The following CEP250 variants were observed in gnomAD, a reference collection of about 807,000 sequenced individuals.
CEP250 encodes the protein centrosome-associated protein CEP250.
In CEP250, 242 loss-of-function variants were observed where a neutral mutation model predicts 315.7. That is an observed-to-expected ratio of 0.77 (90% confidence interval 0.69 to 0.85). CEP250 has a LOEUF of 0.85. Ranked by LOEUF, CEP250 falls within the 40% of genes least tolerant of loss-of-function variation. The probability of loss-of-function intolerance (pLI) is 0.00; values close to 1 mark genes in which losing one functional copy is unlikely to be tolerated. For synonymous variants in CEP250, 1,088 were observed against 1,175.0 expected (o/e 0.93, Z 1.51); for missense variants, 2,515 against 2,886.4 (o/e 0.87, Z 2.95).
At chr20:35,459,426 C>T (rs942033707) in intron 2 of CEP250, among the ~76,000 whole-genome samples, 1 of 152,072 alleles carries the variant, frequency 6.6e-6, no homozygotes, top group African/African-American at 2.4e-5. Flanking sequence ...CTATGTGTGG[C>T]AGGACTGCTT....
chr20:35,473,936 G>A lies in CEP250; in HGVS notation c.1455G>A (p.Glu485=), dbSNP rs772503759. The change falls in exon 14 of 35, where the codon GAG becomes GAA. Residue 485 remains glutamate, a synonymous_variant. Coordinates refer to ENST00000397527, the MANE Select transcript of CEP250 (RefSeq NM_007186.6). ...AGCAGCTGGAGGTGCTAGAGCAGGAGGCATGGCGCCTGCGAAGGGTAAATG... is the reference window on the plus strand; with the variant it reads ...AGCAGCTGGAGGTGCTAGAGCAGGAAGCATGGCGCCTGCGAAGGGTAAATG... The part of the protein sequence containing the change: ...LRQQLEVLEQ[E]AWRLRRVNVE... 6 of 1,612,964 alleles carry A rather than the reference G, an allele frequency of 3.7e-6. No individual in the cohort carries two copies. The highest frequency in any genetic ancestry group is 1.1e-5 in the South Asian group (1 of 90,988).
rs1041975486 is a variant in CEP250, at chr20:35,496,669, A to G, written c.3260A>G (p.Gln1087Arg). ...IRQQELSALR[Q>R]DMQEAQGEQK... ...CAACAAGAGCTGAGTGCCCTGCGCC[A>G]GGACATGCAGGAGGCCCAGGGAGAA... Residue 1087 changes from glutamine to arginine, a missense_variant, in exon 25 of 35, where the codon CAG (glutamine) becomes CGG (arginine). Transcript: ENST00000397527. 32 of 1,614,026 alleles carry G rather than the reference A, an allele frequency of 2.0e-5. No homozygotes were observed. The highest frequency in any genetic ancestry group is 2.6e-5 in the Non-Finnish European group (31 of 1,180,004).
chr20:35,517,068 C>G lies in CEP250; in HGVS notation c.*5442C>G, dbSNP rs532530911. On this transcript the variant is annotated 3_prime_UTR_variant, in exon 35 of 35. Coordinates refer to ENST00000397527, the MANE Select transcript of CEP250 (RefSeq NM_007186.6). ...CCATGGTCACAGACTCTACATTCCC[C>G]TCTCCTGTTGGCCTCCATCCCTTCC... 5 of 976,962 alleles carry G rather than the reference C, an allele frequency of 5.1e-6. No individual in the cohort carries two copies. The highest frequency in any genetic ancestry group is 4.7e-5 in the South Asian group (1 of 21,140). The allele number at this position is 976,962 out of a possible 1,614,324, so 60.5% of individuals were successfully genotyped here.
intron 34 of CEP250, among the ~76,000 whole-genome samples, chr20:35,510,389 G>A (rs2064320225): frequency 1.3e-5 from 2 of 152,182 alleles, no homozygotes; most frequent in Non-Finnish European, 1.5e-5. Flanking sequence ...AGCCAAGACT[G>A]TTGCCAGTGC....
chr20:35,476,010 T>C (rs888908393), intron 15 of CEP250, among the ~76,000 whole-genome samples: 2 of 152,182 alleles, frequency 1.3e-5, no homozygotes, highest in African/African-American at 2.4e-5. Context: ...TCTCAGTTAT[T>C]CCATGTTCTT....
intron 30 of CEP250, 55 bp from the exon 31 acceptor site, chr20:35,507,683 G>T (rs2064226782): frequency 2.2e-6 from 3 of 1,353,510 alleles, no homozygotes; most frequent in Admixed American, 4.0e-5. Context: ...AGGATGGGTT[G>T]GTCTGGATAT....
In CEP250 at chr20:35,496,582, C is replaced by G. The variant is rs529608194; in HGVS notation, c.3173C>G (p.Thr1058Ser). 13 of 1,613,828 alleles carry G rather than the reference C, an allele frequency of 8.1e-6. No homozygotes were observed. Among genetic ancestry groups the G allele is most frequent in the East Asian group, 6.7e-5 (3 of 44,878 alleles). Residue 1058 changes from threonine (T) to serine (S), a missense_variant, in exon 25 of 35, where the codon ACT becomes AGT. By Grantham distance (58) the Thr-to-Ser change is moderately conservative (BLOSUM62 1). Coordinates refer to ENST00000397527, the MANE Select transcript of CEP250 (RefSeq NM_007186.6). The stretch of plus-strand genomic sequence containing the variant: ...TCTGACCCCTCTCTTTTTAGCCTGA[C>G]TCTCTCACTGATGGAAAAGGAACAG... ...KELEREKASL[T>S]LSLMEKEQRL...
At chr20:35,455,896 ATTTAT>A (rs1357098031) in intron 1 of CEP250, 145 bp downstream of exon 1, 5 of 152,410 alleles carry the variant, frequency 3.3e-5, no homozygotes, top group Admixed American at 6.5e-5. Context: ...ATAAGGGCCC[ATTTAT>A]TTATTTATTT....
chr20:35,511,144 G>T (rs2064343621), intron 34 of CEP250, among the ~76,000 whole-genome samples: 1 of 152,204 alleles, frequency 6.6e-6, no homozygotes, highest in African/African-American at 2.4e-5. Context: ...CGCGCTATTT[G>T]AGTCACATGT....
At chr20:35,467,727 C>T (rs2062923736) in intron 9 of CEP250, among the ~76,000 whole-genome samples, 172 bp downstream of exon 9, 1 of 152,094 alleles carries the variant, frequency 6.6e-6, no homozygotes, top group African/African-American at 2.4e-5. Context: ...CTTGTACTGA[C>T]CTCTGCCCTC....
At chr20:35,479,614 TA>T (rs761006876) in intron 18 of CEP250, 31 bp from the exon 19 acceptor site, 1 of 1,612,272 alleles carries the variant, frequency 6.2e-7, no homozygotes, top group Admixed American at 1.7e-5. Flanking sequence ...GCTTGATGGG[TA>T]AGAAACTCTT....
At chr20:35,463,474 C>T in intron 4 of CEP250, 101 bp from the exon 5 acceptor site, 2 of 938,926 alleles carry the variant, frequency 2.1e-6, no homozygotes, top group South Asian at 2.0e-5. Context: ...CACCCATTTC[C>T]CCTGTTCATA....
At position 35,503,823 on chromosome 20, in the gene CEP250, A is replaced by C; in HGVS notation, c.5454A>C (p.Glu1818Asp). ...GAGCCCTAGCCCAGAGGGACCAGGAACTGGAGGCTCTGCAGCAAGAACAGC... is the reference window on the plus strand; with the variant it reads ...GAGCCCTAGCCCAGAGGGACCAGGACCTGGAGGCTCTGCAGCAAGAACAGC... ...AQRALAQRDQ[E>D]LEALQQEQQQ... is the part of the protein sequence containing the mutation. Residue 1818 changes from glutamate (E) to aspartate (D), a missense_variant, in exon 30 of 35, where the codon GAA becomes GAC. Transcript: ENST00000397527. The surrounding 1 kb of genome is among the most constrained non-coding windows in gnomAD (Gnocchi z 4.2). 6.2e-7 allele frequency: 1 copy of C among 1,613,856 alleles called. No individual in the cohort carries two copies. The highest frequency in any genetic ancestry group is 8.5e-7 in the Non-Finnish European group (1 of 1,179,968).
chr20:35,511,933 C>T lies in CEP250; in HGVS notation c.*307C>T. The T allele has an allele frequency of 1.7e-6, 2 of 1,163,604 alleles. No homozygotes were observed. Among genetic ancestry groups the T allele is most frequent in the Non-Finnish European group, 2.1e-6 (2 of 943,454 alleles). 72.1% of individuals were successfully genotyped at this position (1,163,604 alleles called of 1,614,324 possible). Reference sequence around the variant, plus strand: ...TTTCCTAGCACTTCACCACCTCCTTCATCTTCTCCTTCAACAATAAACCCT... The same window carrying T: ...TTTCCTAGCACTTCACCACCTCCTTTATCTTCTCCTTCAACAATAAACCCT... On this transcript the variant is annotated 3_prime_UTR_variant, in exon 35 of 35. Coordinates refer to ENST00000397527, the MANE Select transcript of CEP250 (RefSeq NM_007186.6).
chr20:35,490,697 G>GA lies in CEP250; in HGVS notation c.2653dup (p.Met885AsnfsTer106). 2 of 1,613,866 alleles carry GA rather than the reference G, an allele frequency of 1.2e-6. No homozygotes were observed. Among genetic ancestry groups the GA allele is most frequent in the African/African-American group, 1.3e-5 (1 of 75,030 alleles). ...AAAGGCTCTGGAGAGCTTAGAAAGG[G>GA]AAAAAATGGAGCTGGAAATGAGGCT... On this transcript the variant is annotated frameshift_variant, in exon 21 of 35. Transcript: ENST00000397527. LOFTEE classifies it high-confidence loss of function.
chr20:35,493,134 GA>G (rs1386985645), intron 22 of CEP250, among the ~76,000 whole-genome samples: 1 of 152,018 alleles, frequency 6.6e-6, no homozygotes, highest in Non-Finnish European at 1.5e-5. Flanking sequence ...CCTGAGTAGA[GA>G]ATAGTGTGTG....
At chr20:35,456,146 C>G (rs1475557733) in intron 1 of CEP250, among the ~76,000 whole-genome samples, 2 of 152,194 alleles carry the variant, frequency 1.3e-5, no homozygotes, top group African/African-American at 4.8e-5. Context: ...CCGCCCGCTT[C>G]GGCCTCCCAA....
In CEP250 at chr20:35,512,864, C is replaced by G. The variant is rs1444673158; in HGVS notation, c.*1238C>G. ...TGTGAGCCACCATGCCCAACCAGAA[C>G]AGTTTTCCTTAAAGAAGCAGGCCAT... is the stretch of plus-strand genomic sequence containing the variant. On this transcript the variant is annotated 3_prime_UTR_variant, in exon 35 of 35. Coordinates refer to ENST00000397527, the MANE Select transcript of CEP250 (RefSeq NM_007186.6). 6.6e-6 allele frequency: 1 copy of G among 152,220 alleles called. No homozygotes were observed. The highest frequency in any genetic ancestry group is 2.1e-4 in the South Asian group (1 of 4,824). The allele number at this position is 152,220 out of a possible 1,614,324, so 9.4% of individuals were successfully genotyped here. A position where few individuals can be genotyped will look rare whatever the true frequency, so the allele number is the denominator to read the frequency against.
Position 35,516,428 on chromosome 20 carries a change from C to T in CEP250, c.*4802C>T, listed in dbSNP as rs2064436298. The stretch of plus-strand genomic sequence containing the variant: ...AGATTGCTGGCCAGGAGTAGTCTCA[C>T]ATTCTAGCTGACTGATGGCCTCGGC... On this transcript the variant is annotated 3_prime_UTR_variant, in exon 35 of 35. Transcript: ENST00000397527. The T allele has an allele frequency of 6.6e-6, 1 of 152,268 alleles. No individual in the cohort carries two copies. The highest frequency in any genetic ancestry group is 6.5e-5 in the Admixed American group (1 of 15,280). 9.4% of individuals were successfully genotyped at this position (152,268 alleles called of 1,614,324 possible).
Sources: allele counts gnomAD v4.1 joint callset (sites outside exome capture counted in the v4.1 genomes callset), GRCh38; gene constraint gnomAD v4.1.1; non-coding constraint Gnocchi (gnomAD v3.1); transcripts MANE v1.5; gene names NCBI Gene and HGNC (gene_info 2026-07-23, HGNC 2026-07-21).